ZMPSTE24: variants seen among roughly 807,000 people sequenced by gnomAD.
ZMPSTE24 encodes the protein CAAX prenyl protease 1 homolog.
A neutral mutation model predicts 56.7 loss-of-function variants in ZMPSTE24; 48 were observed. The ratio of observed to expected loss-of-function variants is 0.85; its 90% confidence interval spans 0.67 to 1.08. ZMPSTE24 has a LOEUF of 1.08. Ranked by LOEUF, ZMPSTE24 falls within the 50% of genes least tolerant of loss-of-function variation. The pLI is 0.00. For missense variants in ZMPSTE24, 503 were observed against 548.7 expected (o/e 0.92, Z 0.83); for synonymous variants, 172 against 195.2 (o/e 0.88, Z 0.99).
intron 7 of ZMPSTE24, among the ~76,000 whole-genome samples, chr1:40,282,671 GAAAGAT>G (rs891261758): frequency 1.3e-5 from 2 of 152,160 alleles, no homozygotes; most frequent in Non-Finnish European, 2.9e-5. Flanking sequence ...TTTCTTAACT[GAAAGAT>G]GAGGCCAGTA....
At position 40,292,688 on chromosome 1, in the gene ZMPSTE24, C is replaced by A. The variant is rs376106772; in HGVS notation, c.*19C>A. 83 of 1,602,168 alleles carry A rather than the reference C, an allele frequency of 5.2e-5. 2 individuals are homozygous for A. Among genetic ancestry groups the A allele is most frequent in the East Asian group, 2.7e-4 (12 of 44,818 alleles). ...ACACTGAGATGTCCAGGATCTGTGA[C>A]TGAAGACATTTCTGATTATTTCTGT... On this transcript the variant is annotated 3_prime_UTR_variant, in exon 10 of 10. Transcript: ENST00000372759.
chr1:40,274,546 A>G (rs1206847125), intron 6 of ZMPSTE24, among the ~76,000 whole-genome samples: 2 of 152,200 alleles, frequency 1.3e-5, no homozygotes, highest in African/African-American at 4.8e-5. Context: ...GACCATGAAG[A>G]AGTCCAGTGT....
intron 2 of ZMPSTE24, among the ~76,000 whole-genome samples, chr1:40,266,765 T>TG (rs1643553022): frequency 2.2e-5 from 3 of 139,102 alleles, no homozygotes; most frequent in Admixed American, 1.4e-4. Context: ...GAACAAGTTT[T>TG]TTTTTTTTTT....
At chr1:40,276,973 G>T (rs946250378) in intron 6 of ZMPSTE24, among the ~76,000 whole-genome samples, 2 of 152,084 alleles carry the variant, frequency 1.3e-5, no homozygotes, top group Admixed American at 6.5e-5. Flanking sequence ...AATTTTGTGG[G>T]ACCACTGTCC....
intron 2 of ZMPSTE24, chr1:40,262,857 TA>T (rs3841778): frequency 0.45 from 538,703 of 1,184,414 alleles, 126,133 homozygotes; most frequent in African/African-American, 0.73. Context: ...TTGAACAACT[TA>T]ACAACACTAC....
chr1:40,284,158 T>TG lies in ZMPSTE24; in HGVS notation c.955-1765dup, dbSNP rs1162732811. ...TAGTAGAGACGGGGTTTCACCATGT[T>TG]GGCCAGGCTGGTCTCAAACTCCTGA... On this transcript the variant is annotated intron_variant, in intron 7 of 9. Transcript: ENST00000372759. Among the ~76,000 whole-genome samples, 10 of 148,352 alleles carry TG rather than the reference T, an allele frequency of 6.7e-5. 1 individual carries two copies. The highest frequency in any genetic ancestry group is 2.5e-4 in the African/African-American group (10 of 40,192).
chr1:40,276,608 C>T (rs554823940), intron 6 of ZMPSTE24, among the ~76,000 whole-genome samples: 11 of 152,270 alleles, frequency 7.2e-5, no homozygotes, highest in Admixed American at 2.0e-4. Context: ...ATACCTCAAG[C>T]GATATCATTA....
At chr1:40,290,447 TGA>T (rs1643829149) in intron 8 of ZMPSTE24, among the ~76,000 whole-genome samples, 1 of 136,982 alleles carries the variant, frequency 7.3e-6, no homozygotes, top group South Asian at 2.4e-4. Context: ...AATCACACTA[TGA>T]ATTTTTTTTT....
intron 6 of ZMPSTE24, among the ~76,000 whole-genome samples, chr1:40,280,291 C>A (rs1469311469): frequency 6.6e-6 from 1 of 152,182 alleles, no homozygotes; most frequent in Non-Finnish European, 1.5e-5. Context: ...CCTTTGCAAA[C>A]TTCTTGAACC....
chr1:40,280,258 C>T (rs901211328), intron 6 of ZMPSTE24, among the ~76,000 whole-genome samples: 1 of 152,094 alleles, frequency 6.6e-6, no homozygotes, highest in Non-Finnish European at 1.5e-5. Context: ...CCACTACGCT[C>T]CTCATCTTCA....
At chr1:40,264,700 A>G (rs1643532044) in intron 2 of ZMPSTE24, among the ~76,000 whole-genome samples, 1 of 151,722 alleles carries the variant, frequency 6.6e-6, no homozygotes, top group South Asian at 2.1e-4. Context: ...ACATAGTGAT[A>G]CCCCATCTTT....
chr1:40,292,708 T>A lies in ZMPSTE24; in HGVS notation c.*39T>A, dbSNP rs1441199334. 1 of 1,588,880 alleles carries A rather than the reference T, an allele frequency of 6.3e-7. No homozygotes were observed. Among genetic ancestry groups the A allele is most frequent in the Non-Finnish European group, 8.6e-7 (1 of 1,157,962 alleles). Reference sequence around the variant, plus strand: ...TGTGACTGAAGACATTTCTGATTATTTCTGTCCTGGCAGCATGTTCCAGCT... The same window carrying A: ...TGTGACTGAAGACATTTCTGATTATATCTGTCCTGGCAGCATGTTCCAGCT... On this transcript the variant is annotated 3_prime_UTR_variant, in exon 10 of 10. Coordinates refer to ENST00000372759, the MANE Select transcript of ZMPSTE24 (RefSeq NM_005857.5).
intron 3 of ZMPSTE24, among the ~76,000 whole-genome samples, 180 bp from the exon 4 acceptor site, chr1:40,268,239 C>T (rs759070205): frequency 2.6e-5 from 4 of 152,124 alleles, no homozygotes; most frequent in Non-Finnish European, 4.4e-5. Context: ...TGTTTTGTTT[C>T]TCATTTACTT....
intron 6 of ZMPSTE24, among the ~76,000 whole-genome samples, chr1:40,272,674 G>A (rs187000310): frequency 6.6e-6 from 1 of 152,254 alleles, no homozygotes; most frequent in East Asian, 1.9e-4. Flanking sequence ...TTGAGACTTT[G>A]GTAGTTGACT....
intron 8 of ZMPSTE24, among the ~76,000 whole-genome samples, chr1:40,287,073 CTT>C (rs139472090): frequency 6.9e-6 from 1 of 144,752 alleles, no homozygotes; most frequent in Non-Finnish European, 1.5e-5. Flanking sequence ...TTTTTCTTTT[CTT>C]TTTTTTTTTG....
chr1:40,284,045 C>T (rs1643758227), intron 7 of ZMPSTE24, among the ~76,000 whole-genome samples: 1 of 150,428 alleles, frequency 6.6e-6, no homozygotes, highest in Admixed American at 6.6e-5. Context: ...AAGCAATTCT[C>T]CTGCCTCAGC....
chr1:40,283,430 G>A (rs113556503), intron 7 of ZMPSTE24, among the ~76,000 whole-genome samples: 4 of 152,002 alleles, frequency 2.6e-5, no homozygotes, highest in Non-Finnish European at 1.5e-5. Context: ...GCTTGAACCT[G>A]GGAGGTGGAG....
chr1:40,269,762 G>A (rs540066090), intron 4 of ZMPSTE24, among the ~76,000 whole-genome samples: 22 of 152,220 alleles, frequency 1.4e-4, no homozygotes, highest in African/African-American at 5.1e-4. Flanking sequence ...CACTGCACTC[G>A]TCCTCAGTTA....
rs546669332 is a variant in ZMPSTE24, at chr1:40,263,426, T to C, written c.270+2441T>C. 5.9e-5 allele frequency among the ~76,000 whole-genome samples: 9 copies of C among 152,352 alleles called. No individual in the cohort carries two copies. The South Asian group carries it at 1.9e-3, about 32-fold the overall frequency. On this transcript the variant is annotated intron_variant, in intron 2 of 9. Transcript: ENST00000372759. Reference sequence around the variant, plus strand: ...GCTTGGATAAATTAAAGGGTTTGCATGTTTAATTGCCAAGGGACATGCTAA... The same window carrying C: ...GCTTGGATAAATTAAAGGGTTTGCACGTTTAATTGCCAAGGGACATGCTAA...
Sources: gnomAD v4.1 joint callset for allele counts (sites outside exome capture counted in the v4.1 genomes callset) on GRCh38, gnomAD v4.1.1 for gene constraint, MANE v1.5 for transcripts, NCBI Gene and HGNC (gene_info 2026-07-23, HGNC 2026-07-21) for gene names.